Variants in ADGRL3 observed in about 807,000 individuals in gnomAD.
ADGRL3 encodes the protein adhesion G protein-coupled receptor L3.
In ADGRL3, 62 loss-of-function variants were observed where a neutral mutation model predicts 153.5. That is an observed-to-expected ratio of 0.40 (90% CI 0.33 to 0.50). ADGRL3 has a LOEUF of 0.50. Among genes scored for constraint, ADGRL3 ranks in the 20% least tolerant of loss-of-function variants. ADGRL3 has a pLI of 0.47. For missense variants in ADGRL3, 1,641 were observed against 1,859.4 expected (o/e 0.88, Z 2.16); for synonymous variants, 710 against 672.5 (o/e 1.06, Z -0.86).
intron 1 of ADGRL3, among the ~76,000 whole-genome samples, chr4:61,363,928 C>G (rs1408325056): frequency 2.6e-5 from 4 of 151,982 alleles, no homozygotes; most frequent in African/African-American, 9.7e-5. Context: ...GGGTTGTTTA[C>G]TGTTATGCAT....
chr4:61,514,424 G>C (rs1297489010), intron 3 of ADGRL3, among the ~76,000 whole-genome samples: 1 of 152,142 alleles, frequency 6.6e-6, no homozygotes, highest in Non-Finnish European at 1.5e-5. Context: ...TTGTATAATA[G>C]CTTCAGGAAG....
At chr4:61,589,328 C>G (rs180739559) in intron 5 of ADGRL3, among the ~76,000 whole-genome samples, 1 of 152,140 alleles carries the variant, frequency 6.6e-6, no homozygotes. Flanking sequence ...GTTTTTGACT[C>G]TCTGAGAAAA....
chr4:61,930,193 A>G lies in ADGRL3; in HGVS notation c.2113-4647A>G, dbSNP rs965906232. Among the ~76,000 whole-genome samples the G allele has an allele frequency of 4.2e-4, 63 of 151,082 alleles. 2 individuals carry two copies. Among genetic ancestry groups the G allele is most frequent in the South Asian group, 4.2e-4 (2 of 4,782 alleles). Reference sequence around the variant, plus strand: ...TCTGTCTCAAAAAAAAAAAAAAAAAATGCCATGGTGGTAAAGTTATACATC... The same window carrying G: ...TCTGTCTCAAAAAAAAAAAAAAAAAGTGCCATGGTGGTAAAGTTATACATC... On this transcript the variant is annotated intron_variant, in intron 13 of 26. Coordinates refer to ENST00000683033, the MANE Select transcript of ADGRL3 (RefSeq NM_001387552.1).
At chr4:61,496,254 G>A (rs567805598) in intron 2 of ADGRL3, among the ~76,000 whole-genome samples, 3 of 152,270 alleles carry the variant, frequency 2.0e-5, no homozygotes, top group South Asian at 2.1e-4. Flanking sequence ...TATGGTAACA[G>A]TGATGAATTA....
At chr4:61,332,087 T>C (rs2095584350) in intron 1 of ADGRL3, among the ~76,000 whole-genome samples, 1 of 152,146 alleles carries the variant, frequency 6.6e-6, no homozygotes, top group Non-Finnish European at 1.5e-5. Flanking sequence ...ACATGTAACT[T>C]GTAAGGAAAC....
intron 9 of ADGRL3, among the ~76,000 whole-genome samples, chr4:61,846,761 G>T (rs2082515760): frequency 6.6e-6 from 1 of 151,960 alleles, no homozygotes; most frequent in African/African-American, 2.4e-5. Context: ...GGAGGCCTCA[G>T]GAAACTTACA....
chr4:61,526,374 G>A (rs2098558662), intron 4 of ADGRL3, among the ~76,000 whole-genome samples: 1 of 151,994 alleles, frequency 6.6e-6, no homozygotes. Flanking sequence ...ACTAAGTTTA[G>A]TGATTTTGCT....
At chr4:61,768,023 A>G (rs1243103237) in intron 8 of ADGRL3, among the ~76,000 whole-genome samples, 3 of 151,918 alleles carry the variant, frequency 2.0e-5, no homozygotes, top group Non-Finnish European at 4.4e-5. Context: ...CGGCCTTTTG[A>G]CCTTTTAGGG....
At chr4:61,693,630 G>A (rs2151170809) in intron 6 of ADGRL3, among the ~76,000 whole-genome samples, 1 of 152,260 alleles carries the variant, frequency 6.6e-6, no homozygotes, top group East Asian at 1.9e-4. Context: ...TTGCGGATGA[G>A]GTATTGATGT....
At chr4:61,211,155 A>C (rs1223766397) in intron 1 of ADGRL3, among the ~76,000 whole-genome samples, 1 of 152,162 alleles carries the variant, frequency 6.6e-6, no homozygotes, top group Admixed American at 6.6e-5. Context: ...TTTCTCTTTT[A>C]ATTGCAAAGA....
At chr4:61,351,041 T>C (rs1271440324) in intron 1 of ADGRL3, among the ~76,000 whole-genome samples, 2 of 152,160 alleles carry the variant, frequency 1.3e-5, no homozygotes, top group African/African-American at 4.8e-5. Context: ...TTGGTCAGCT[T>C]TTGAATACAC....
chr4:61,330,363 GA>G (rs1382126001), intron 1 of ADGRL3, among the ~76,000 whole-genome samples: 2 of 151,948 alleles, frequency 1.3e-5, no homozygotes, highest in African/African-American at 4.8e-5. Context: ...AGCTCAAATA[GA>G]AAAAAGGTAG....
chr4:61,978,435 A>G (rs1229275384), intron 17 of ADGRL3, among the ~76,000 whole-genome samples: 1 of 152,066 alleles, frequency 6.6e-6, no homozygotes, highest in Admixed American at 6.6e-5. Context: ...CATTGTAGGA[A>G]TTAACCTTTT....
chr4:61,668,698 A>G (rs1011869371), intron 5 of ADGRL3, among the ~76,000 whole-genome samples: 2 of 152,154 alleles, frequency 1.3e-5, no homozygotes, highest in Non-Finnish European at 2.9e-5. Context: ...CTTTTAGTTT[A>G]TGATTTACAA....
intron 1 of ADGRL3, among the ~76,000 whole-genome samples, chr4:61,310,484 CCAGG>C: frequency 6.6e-6 from 1 of 152,160 alleles, no homozygotes; most frequent in South Asian, 2.1e-4. Flanking sequence ...ATGGGTTATT[CCAGG>C]ATGTAGTCAA....
intron 9 of ADGRL3, among the ~76,000 whole-genome samples, chr4:61,888,996 A>T (rs1322024157): frequency 1.3e-5 from 2 of 152,010 alleles, no homozygotes; most frequent in African/African-American, 2.4e-5. Flanking sequence ...TAACCACCCC[A>T]TTTGCTTGTC....
rs537884762 is a variant in ADGRL3, at chr4:61,767,729, T to C, written c.1399+34175T>C. On this transcript the variant is annotated intron_variant, in intron 8 of 26. Transcript: ENST00000683033. The stretch of plus-strand genomic sequence containing the variant: ...GGGCTGCGGGTGTTCCTTGGCCCAG[T>C]GGCCAGATTTCCGGCATGTGTAGCA... Among the ~76,000 whole-genome samples the C allele has an allele frequency of 5.3e-5, 8 of 152,256 alleles. No homozygotes were observed. In the South Asian group the frequency reaches 1.7e-3, roughly 32 times the overall value.
At chr4:61,749,194 A>G (rs1176972808) in intron 8 of ADGRL3, among the ~76,000 whole-genome samples, 1 of 152,082 alleles carries the variant, frequency 6.6e-6, no homozygotes, top group Non-Finnish European at 1.5e-5. Context: ...GGCAATCATT[A>G]AAAAGTCAGG....
At chr4:61,915,703 C>T (rs2098742109) in intron 13 of ADGRL3, among the ~76,000 whole-genome samples, 1 of 152,240 alleles carries the variant, frequency 6.6e-6, no homozygotes, top group African/African-American at 2.4e-5. Flanking sequence ...TACCTCTCTT[C>T]CTCTTAATGT....
Sources: gnomAD v4.1 joint callset for allele counts (sites outside exome capture counted in the v4.1 genomes callset) on GRCh38, gnomAD v4.1.1 for gene constraint, MANE v1.5 for transcripts, NCBI Gene and HGNC (gene_info 2026-07-23, HGNC 2026-07-21) for gene names.